The following SCAF8 variants were observed in gnomAD, a reference collection of about 807,000 sequenced individuals.
SCAF8 encodes the protein SR-related CTD associated factor 8, also known as SR-related and CTD-associated factor 8.
Under a neutral mutation model 140.5 loss-of-function variants are expected in SCAF8, and 23 were observed. The ratio of observed to expected loss-of-function variants is 0.16; its 90% CI spans 0.12 to 0.23. SCAF8 has a LOEUF of 0.23. Among genes scored for constraint, SCAF8 ranks in the 10% least tolerant of loss-of-function variants. The pLI, the probability that SCAF8 is intolerant of heterozygous loss-of-function variation, is 1.00. For synonymous variants in SCAF8, 575 were observed against 528.9 expected (o/e 1.09, Z -1.20); for missense variants, 1,397 against 1,555.7 (o/e 0.90, Z 1.72).
chr6:154,809,120 A>G (rs1239799703), intron 11 of SCAF8, among the ~76,000 whole-genome samples: 1 of 152,178 alleles, frequency 6.6e-6, no homozygotes, highest in Non-Finnish European at 1.5e-5. Flanking sequence ...GTCAGGCCAT[A>G]TTTCCTGGAT....
rs1482085222 is a variant in SCAF8, at chr6:154,809,908, T to A, written c.1227-107T>A. The A allele has an allele frequency of 1.1e-5, 10 of 924,466 alleles. No individual in the cohort carries two copies. In the South Asian group the frequency reaches 1.5e-4, roughly 14 times the overall value. 57.3% of individuals were successfully genotyped at this position (924,466 alleles called of 1,614,324 possible). On this transcript the variant is annotated intron_variant, in intron 11 of 19. Transcript: ENST00000367178. ...TCAGAATATTTTAACATATTGTCACTAAATATAAGACAACTTTTTTGTTAT... is the reference window on the plus strand; with the variant it reads ...TCAGAATATTTTAACATATTGTCACAAAATATAAGACAACTTTTTTGTTAT...
In SCAF8 at chr6:154,792,945, C is replaced by T. The variant is rs746956242; in HGVS notation, c.444C>T (p.Ala148=). ...IPPPVVTPVL[A]STTTAMSNTP... ...CTCCAGTTGTCACACCTGTTTTGGC[C>T]AGCACTACCACTGCTATGAGCAATA... Residue 148 remains alanine (A), a synonymous_variant, in exon 5 of 20, where the codon GCC becomes GCT. Transcript: ENST00000367178. 9.9e-6 allele frequency: 16 copies of T among 1,613,630 alleles called. No homozygotes were observed. Among genetic ancestry groups the T allele is most frequent in the African/African-American group, 1.3e-5 (1 of 74,908 alleles).
At chr6:154,735,786 T>G (rs1778400812) in intron 1 of SCAF8, among the ~76,000 whole-genome samples, 1 of 152,078 alleles carries the variant, frequency 6.6e-6, no homozygotes, top group Non-Finnish European at 1.5e-5. Flanking sequence ...AGTGCTGAGA[T>G]TATGGGCGTG....
chr6:154,794,778 GGGGTGTGTGTGTGTGTGTGTGTGT>G (rs1777543419), intron 5 of SCAF8, among the ~76,000 whole-genome samples: 29 of 68,532 alleles, frequency 4.2e-4, no homozygotes, highest in Non-Finnish European at 5.8e-4. Flanking sequence ...GGGGGTGTGG[GGGGTGTGTGTGTGTGTGTGTGTGT>G]GTGTGTGTGT....
At chr6:154,811,661 A>G (rs892167335) in intron 12 of SCAF8, among the ~76,000 whole-genome samples, 10 of 151,958 alleles carry the variant, frequency 6.6e-5, no homozygotes, top group African/African-American at 2.4e-4. Flanking sequence ...TACATTAGGT[A>G]TTTCTCCTAA....
At chr6:154,798,214 A>G (rs1391959157) in intron 6 of SCAF8, among the ~76,000 whole-genome samples, 1 of 151,574 alleles carries the variant, frequency 6.6e-6, no homozygotes, top group East Asian at 1.9e-4. Flanking sequence ...GAATCATGGG[A>G]GAAGTTTAGA....
chr6:154,751,721 G>A (rs1778842643), intron 1 of SCAF8, among the ~76,000 whole-genome samples: 1 of 152,122 alleles, frequency 6.6e-6, no homozygotes, highest in Non-Finnish European at 1.5e-5. Context: ...GATTTATTGA[G>A]TGTGATCTTG....
intron 1 of SCAF8, among the ~76,000 whole-genome samples, chr6:154,765,864 T>C (rs1776548132): frequency 1.3e-5 from 2 of 152,206 alleles, no homozygotes; most frequent in African/African-American, 4.8e-5. Flanking sequence ...TCTAGAGAAA[T>C]AGTTGGAGGC....
Position 154,792,815 on chromosome 6 carries a change from T to C in SCAF8, c.322-8T>C, listed in dbSNP as rs1777463984. 3.2e-6 allele frequency: 5 copies of C among 1,574,642 alleles called. No homozygotes were observed. The highest frequency in any genetic ancestry group is 4.3e-6 in the Non-Finnish European group (5 of 1,160,534). On this transcript the variant is annotated splice_region_variant and splice_polypyrimidine_tract_variant and intron_variant, in intron 4 of 19. Transcript: ENST00000367178. ...AAACCAAAATGTCATGTTTCTTTTTTTCTCTAGAGTAAAATAGTGAGAGTA... is the reference window on the plus strand; with the variant it reads ...AAACCAAAATGTCATGTTTCTTTTTCTCTCTAGAGTAAAATAGTGAGAGTA...
chr6:154,822,140 G>A, intron 15 of SCAF8, 136 bp from the exon 16 acceptor site: 1 of 792,048 alleles, frequency 1.3e-6, no homozygotes, highest in African/African-American at 1.7e-5. Context: ...ATCTAGAGTG[G>A]CACCTACGGT....
At chr6:154,770,667 A>C (rs1776733441) in intron 1 of SCAF8, among the ~76,000 whole-genome samples, 1 of 152,114 alleles carries the variant, frequency 6.6e-6, no homozygotes, top group Admixed American at 6.6e-5. Context: ...CTTTATGAGA[A>C]CTTAAGGAGG....
rs1015100224 is a variant in SCAF8 at position 154,795,148 on chromosome 6, T to G, written c.606+9T>G. 17 of 1,554,500 alleles carry G rather than the reference T, an allele frequency of 1.1e-5. No homozygotes were observed. The highest frequency in any genetic ancestry group is 1.3e-5 in the Non-Finnish European group (15 of 1,160,944). On this transcript the variant is annotated intron_variant, in intron 6 of 19. Transcript: ENST00000367178. ...GTCCTCAAGGCCAGCAGGTGAGCGGTTTTTCTGTTATATCAAGAATAATTT... is the reference window on the plus strand; with the variant it reads ...GTCCTCAAGGCCAGCAGGTGAGCGGGTTTTCTGTTATATCAAGAATAATTT...
At chr6:154,761,102 G>T (rs1298403538) in intron 1 of SCAF8, among the ~76,000 whole-genome samples, 1 of 151,998 alleles carries the variant, frequency 6.6e-6, no homozygotes, top group Non-Finnish European at 1.5e-5. Flanking sequence ...CATTGTGCTT[G>T]GCTCTAAGCA....
chr6:154,827,844 GGC>G (rs1778614192), intron 18 of SCAF8, among the ~76,000 whole-genome samples: 1 of 148,734 alleles, frequency 6.7e-6, no homozygotes, highest in Non-Finnish European at 1.5e-5. Context: ...CGGGGGGGGG[GGC>G]GGTGTAAAAC....
chr6:154,808,880 T>C, intron 11 of SCAF8, 82 bp downstream of exon 11: 1 of 909,546 alleles, frequency 1.1e-6, no homozygotes, highest in Non-Finnish European at 1.7e-6. Flanking sequence ...TGAAAGGAAA[T>C]GTTTCCTTGG....
At chr6:154,816,809 A>G (rs1778263897) in intron 13 of SCAF8, among the ~76,000 whole-genome samples, 1 of 152,182 alleles carries the variant, frequency 6.6e-6, no homozygotes, top group African/African-American at 2.4e-5. Flanking sequence ...AGTTGAGTTG[A>G]ACCATTTTGC....
chr6:154,794,780 G>GGTGTGTGTGTGT (rs1183671310), intron 5 of SCAF8, among the ~76,000 whole-genome samples: 5 of 12,528 alleles, frequency 4.0e-4, no homozygotes, highest in Admixed American at 2.1e-3. Context: ...GGGTGTGGGG[G>GGTGTGTGTGTGT]GTGTGTGTGT....
Position 154,733,799 on chromosome 6 carries a change from C to A in SCAF8, c.-102C>A. 7.0e-7 allele frequency: 1 copy of A among 1,423,660 alleles called. No individual in the cohort carries two copies. The highest frequency in any genetic ancestry group is 2.9e-5 in the East Asian group (1 of 34,590). 88.2% of individuals were successfully genotyped at this position (1,423,660 alleles called of 1,614,324 possible). ...AGCGGCCCGCTCTCCCGCCAGCGCC[C>A]CCTCCTCGCGGCCACGCAGCAGCCC... is the stretch of plus-strand genomic sequence containing the variant. On this transcript the variant is annotated 5_prime_UTR_variant, in exon 1 of 20. Transcript: ENST00000367178.
At chr6:154,739,181 G>A (rs971705945) in intron 1 of SCAF8, among the ~76,000 whole-genome samples, 3 of 151,976 alleles carry the variant, frequency 2.0e-5, no homozygotes, top group Admixed American at 6.6e-5. Context: ...GGAAGGGTGG[G>A]GGGTGTCAAT....
Sources: gnomAD v4.1 joint callset for allele counts (sites outside exome capture counted in the v4.1 genomes callset) on GRCh38, gnomAD v4.1.1 for gene constraint, MANE v1.5 for transcripts, NCBI Gene and HGNC (gene_info 2026-07-23, HGNC 2026-07-21) for gene names.